VPS13A: variants seen among roughly 807,000 people sequenced by gnomAD.
VPS13A encodes intermembrane lipid transfer protein VPS13A.
Under a neutral mutation model 390.9 loss-of-function variants are expected in VPS13A, and 264 were observed. The observed-to-expected ratio is 0.68, with a 90% CI of 0.61 to 0.75. The LOEUF (loss-of-function observed/expected upper bound fraction) is 0.75, where lower values mean the gene tolerates loss of function less well. Among genes scored for constraint, VPS13A ranks in the 30% least tolerant of loss-of-function variants. The pLI, the probability that VPS13A is intolerant of heterozygous loss-of-function variation, is 0.00. For missense variants in VPS13A, 3,409 were observed against 3,733.9 expected, an observed-to-expected ratio of 0.91 and a Z score of 2.27; for synonymous variants, 1,231 against 1,227.1, an observed-to-expected ratio of 1.00 and a Z score of -0.07.
rs1827952411 is a variant in VPS13A, at chr9:77,295,755, A to G, written c.3721A>G (p.Asn1241Asp). 1 of 1,613,912 alleles carries G rather than the reference A, an allele frequency of 6.2e-7. No individual in the cohort carries two copies. The highest frequency in any genetic ancestry group is 1.3e-5 in the African/African-American group (1 of 74,918). ...TGATTTTGGACTAATTACAATGACA[A>G]ATACCTTTCATATGATAACAGAGAG... ...VADFGLITMTNTFHMITESQS... is the reference protein window; with the variant it reads ...VADFGLITMTDTFHMITESQS... The change falls in exon 33 of 72, where the codon AAT (asparagine) becomes GAT (aspartate). Residue 1241 changes from asparagine to aspartate, a missense_variant. By Grantham distance (23) the Asn-to-Asp change is conservative. Coordinates refer to ENST00000360280, the MANE Select transcript of VPS13A (RefSeq NM_033305.3).
chr9:77,230,663 AC>A (rs1823781199), intron 17 of VPS13A, among the ~76,000 whole-genome samples: 1 of 151,824 alleles, frequency 6.6e-6, no homozygotes, highest in African/African-American at 2.4e-5. Flanking sequence ...AGGAAGTATG[AC>A]TCTTCCAGTT....
intron 68 of VPS13A, among the ~76,000 whole-genome samples, chr9:77,400,570 G>A (rs1340401158): frequency 1.3e-5 from 2 of 151,958 alleles, no homozygotes; most frequent in African/African-American, 4.8e-5. Context: ...GCTCATGCCT[G>A]TAATCCCAGC....
rs57841628 is a variant in VPS13A, at chr9:77,341,691, C to CTTTTTTTTTTTTTT, written c.7026+1157_7026+1170dup. 3.4e-3 allele frequency among the ~76,000 whole-genome samples: 130 copies of CTTTTTTTTTTTTTT among 37,844 alleles called. 15 individuals carry two copies. Among genetic ancestry groups the CTTTTTTTTTTTTTT allele is most frequent in the African/African-American group, 5.8e-3 (54 of 9,306 alleles). 24.8% of individuals were successfully genotyped at this position (37,844 alleles called of 152,430 possible). On this transcript the variant is annotated intron_variant, in intron 50 of 71. Transcript: ENST00000360280. ...AGTAAGTTCTACATGGACATCTTTC[C>CTTTTTTTTTTTTTT]TTTTTTTTTTTTTTTTTTTTTTTTT...
chr9:77,360,587 T>C lies in VPS13A; in HGVS notation c.8157T>C (p.Phe2719=), dbSNP rs755095881. 4.3e-6 allele frequency: 7 copies of C among 1,613,100 alleles called. No homozygotes were observed. Among genetic ancestry groups the C allele is most frequent in the African/African-American group, 1.3e-5 (1 of 74,886 alleles). ...QEMDLRLDLG[F]IYALTDLMTE... ...TGGATCTCAGGTTAGATCTTGGGTT[T>C]ATCTATGCTTTAACAGACCTTATGA... The change falls in exon 59 of 72, where the codon TTT becomes TTC. Residue 2719 remains phenylalanine (F), a synonymous_variant. Transcript: ENST00000360280.
At chr9:77,404,373 G>A (rs559644791) in intron 69 of VPS13A, among the ~76,000 whole-genome samples, 5 of 152,104 alleles carry the variant, frequency 3.3e-5, no homozygotes, top group East Asian at 1.9e-4. Flanking sequence ...ACATGTCAAC[G>A]TATGGACAGC....
chr9:77,215,292 A>T (rs1437713758), intron 10 of VPS13A, among the ~76,000 whole-genome samples: 2 of 152,156 alleles, frequency 1.3e-5, no homozygotes, highest in Admixed American at 6.5e-5. Context: ...TGGCTCAGTG[A>T]TACTTTTCTG....
At chr9:77,389,251 T>G (rs1173074003) in intron 68 of VPS13A, among the ~76,000 whole-genome samples, 1 of 151,834 alleles carries the variant, frequency 6.6e-6, no homozygotes, top group African/African-American at 2.4e-5. Flanking sequence ...CTCAGAAATA[T>G]CCGTAATTGG....
At chr9:77,304,415 G>A (rs763321982) in intron 34 of VPS13A, among the ~76,000 whole-genome samples, 101 of 152,098 alleles carry the variant, frequency 6.6e-4, no homozygotes, top group Non-Finnish European at 1.2e-3. Flanking sequence ...TTCTACATAG[G>A]CACAGTAACA....
At chr9:77,209,290 C>A in intron 5 of VPS13A, 133 bp from the exon 6 acceptor site, 1 of 651,136 alleles carries the variant, frequency 1.5e-6, no homozygotes. Context: ...TTTTGGAAAG[C>A]AAGCTATTAG....
intron 39 of VPS13A, among the ~76,000 whole-genome samples, chr9:77,317,337 T>C (rs1829457457): frequency 6.6e-6 from 1 of 151,992 alleles, no homozygotes; most frequent in South Asian, 2.1e-4. Context: ...GACCACACTT[T>C]ACTTCAGTAA....
chr9:77,329,164 TG>T (rs1233724684), intron 45 of VPS13A, among the ~76,000 whole-genome samples: 2 of 152,160 alleles, frequency 1.3e-5, no homozygotes, highest in Non-Finnish European at 2.9e-5. Context: ...GAGATTTGGG[TG>T]GGGGACCTAG....
Position 77,214,168 on chromosome 9 carries a change from C to T in VPS13A, c.697-161C>T, listed in dbSNP as rs41289959. 0.017 allele frequency among the ~76,000 whole-genome samples: 2,609 copies of T among 151,934 alleles called. 69 individuals carry two copies. The highest frequency in any genetic ancestry group is 0.11 in the East Asian group (589 of 5,128). ...GGGCACGTCTGTAATCCCAGCCACT[C>T]GGGAGGCTGAGGCAGGAGAATCGCA... On this transcript the variant is annotated intron_variant, in intron 9 of 71. Transcript: ENST00000360280.
At chr9:77,388,817 G>A (rs1261778203) in intron 68 of VPS13A, among the ~76,000 whole-genome samples, 1 of 152,070 alleles carries the variant, frequency 6.6e-6, no homozygotes, top group Non-Finnish European at 1.5e-5. Flanking sequence ...TCAGTAACCT[G>A]TTAACTACAT....
intron 33 of VPS13A, among the ~76,000 whole-genome samples, chr9:77,297,776 G>T (rs924075553): frequency 2.6e-5 from 4 of 152,082 alleles, no homozygotes; most frequent in African/African-American, 9.7e-5. Context: ...TTGGGTTGTT[G>T]TGGTAGGTAC....
intron 19 of VPS13A, 69 bp from the exon 20 acceptor site, chr9:77,247,190 A>G: frequency 1.5e-6 from 2 of 1,306,532 alleles, no homozygotes; most frequent in East Asian, 2.4e-5. Context: ...CAGTTCATAT[A>G]TTTAGTGATT....
intron 19 of VPS13A, among the ~76,000 whole-genome samples, chr9:77,238,772 G>T (rs12335776): frequency 0.31 from 47,398 of 151,974 alleles, 7,843 homozygotes; most frequent in African/African-American, 0.39. Context: ...GGTCGGGTAC[G>T]ATTTCTTCCT....
At chr9:77,262,873 G>C (rs990398285) in intron 23 of VPS13A, among the ~76,000 whole-genome samples, 1 of 152,116 alleles carries the variant, frequency 6.6e-6, no homozygotes, top group African/African-American at 2.4e-5. Context: ...TTGCTATTGT[G>C]AACAGTGCTG....
intron 23 of VPS13A, among the ~76,000 whole-genome samples, chr9:77,262,923 A>G (rs549429146): frequency 6.6e-6 from 1 of 152,218 alleles, no homozygotes; most frequent in African/African-American, 2.4e-5. Flanking sequence ...TAGTAGGATG[A>G]TTTATAATCC....
intron 8 of VPS13A, 52 bp downstream of exon 8, chr9:77,213,080 G>C (rs776004803): frequency 1.2e-6 from 2 of 1,600,290 alleles, no homozygotes; most frequent in Non-Finnish European, 8.6e-7. Context: ...ATTTTGGAAA[G>C]CCAAATGATA....
Sources: allele counts gnomAD v4.1 joint callset (sites outside exome capture counted in the v4.1 genomes callset), GRCh38; gene constraint gnomAD v4.1.1; transcripts MANE v1.5; gene names NCBI Gene and HGNC (gene_info 2026-07-23, HGNC 2026-07-21).